Variants in LPAR1 observed in about 807,000 individuals in gnomAD.
LPAR1 encodes LPA receptor 1.
Under a neutral mutation model 23.8 loss-of-function variants are expected in LPAR1, and 5 were observed. The ratio of observed to expected loss-of-function variants is 0.21; its 90% CI spans 0.11 to 0.44. LPAR1 has a LOEUF of 0.44. Ranked by LOEUF, LPAR1 falls within the 20% of genes least tolerant of loss-of-function variation. The pLI is 0.99. For missense variants in LPAR1, 311 were observed against 482.8 expected, an observed-to-expected ratio of 0.64 and a Z score of 3.33; for synonymous variants, 160 against 164.7, an observed-to-expected ratio of 0.97 and a Z score of 0.22.
chr9:110,960,887 A>C (rs932349269), intron 4 of LPAR1, among the ~76,000 whole-genome samples: 5 of 152,360 alleles, frequency 3.3e-5, no homozygotes, highest in Admixed American at 1.3e-4. Context: ...ACTTGAACTG[A>C]CAGGTCAAAA....
chr9:110,917,183 C>CAAA (rs72090804), intron 5 of LPAR1, among the ~76,000 whole-genome samples: 16 of 122,832 alleles, frequency 1.3e-4, no homozygotes, highest in African/African-American at 3.8e-4. Context: ...ACTAAAAATA[C>CAAA]AAAAAAAAAA....
At chr9:111,027,980 T>C (rs1425359506) in intron 2 of LPAR1, among the ~76,000 whole-genome samples, 1 of 147,686 alleles carries the variant, frequency 6.8e-6, no homozygotes, top group Non-Finnish European at 1.5e-5. Context: ...ACACATTAAA[T>C]AGTGTGACTA....
At chr9:110,935,788 G>T (rs1028656875) in intron 5 of LPAR1, among the ~76,000 whole-genome samples, 16 of 152,194 alleles carry the variant, frequency 1.1e-4, no homozygotes, top group Admixed American at 1.0e-3. Context: ...TACATTATGT[G>T]AGGACTCTGC....
intron 5 of LPAR1, among the ~76,000 whole-genome samples, chr9:110,934,902 T>C (rs1385019540): frequency 6.6e-6 from 1 of 151,072 alleles, no homozygotes; most frequent in Admixed American, 6.6e-5. Flanking sequence ...AAAAACCAAG[T>C]GGAATGAAAA....
intron 5 of LPAR1, among the ~76,000 whole-genome samples, chr9:110,911,487 C>T (rs2092425642): frequency 6.6e-6 from 1 of 151,898 alleles, no homozygotes; most frequent in South Asian, 2.1e-4. Context: ...GGCTACAATG[C>T]ACCAAGACTG....
At chr9:110,897,796 A>G (rs1408728103) in intron 5 of LPAR1, among the ~76,000 whole-genome samples, 1 of 145,308 alleles carries the variant, frequency 6.9e-6, no homozygotes, top group Admixed American at 6.7e-5. Context: ...GATATAGACT[A>G]AAATAAGGCC....
intron 2 of LPAR1, among the ~76,000 whole-genome samples, chr9:110,997,291 T>C (rs182696376): frequency 1.3e-3 from 197 of 152,234 alleles, no homozygotes; most frequent in African/African-American, 4.5e-3. Context: ...CAGAAGATTA[T>C]AAAGAACAAG....
At chr9:110,876,947 C>A (rs543478152) in intron 5 of LPAR1, among the ~76,000 whole-genome samples, 12 of 152,316 alleles carry the variant, frequency 7.9e-5, no homozygotes, top group African/African-American at 2.9e-4. Context: ...CATGAGCCAA[C>A]AGCGGTGGGC....
chr9:111,037,316 A>C (rs1025878862), intron 1 of LPAR1, among the ~76,000 whole-genome samples: 1 of 152,186 alleles, frequency 6.6e-6, no homozygotes, highest in Non-Finnish European at 1.5e-5. Flanking sequence ...TTTATGAAAA[A>C]ATCCACGGAT....
At chr9:110,951,769 T>TA (rs373795176) in intron 4 of LPAR1, among the ~76,000 whole-genome samples, 82 of 150,352 alleles carry the variant, frequency 5.5e-4, no homozygotes, top group Middle Eastern at 3.4e-3. Flanking sequence ...AACCCTAGTT[T>TA]AAAAAAAAAA....
chr9:110,984,777 A>G (rs574093462), intron 2 of LPAR1, among the ~76,000 whole-genome samples: 1 of 151,688 alleles, frequency 6.6e-6, no homozygotes, highest in Admixed American at 6.6e-5. Flanking sequence ...GTGACAAAAA[A>G]AAAAGAATGC....
intron 2 of LPAR1, among the ~76,000 whole-genome samples, chr9:110,981,674 C>A (rs1650343884): frequency 6.6e-6 from 1 of 151,674 alleles, no homozygotes. Flanking sequence ...AAGTTGGTGC[C>A]ATGGAAGTCT....
At chr9:110,953,979 A>G (rs1188282277) in intron 4 of LPAR1, among the ~76,000 whole-genome samples, 2 of 152,126 alleles carry the variant, frequency 1.3e-5, no homozygotes, top group Non-Finnish European at 2.9e-5. Context: ...AACTTATGAA[A>G]TCCAGGACAA....
Position 110,968,637 on chromosome 9 carries a change from T to C in LPAR1, c.45+3436A>G, listed in dbSNP as rs532148978. Among the ~76,000 whole-genome samples, 40 of 152,330 alleles carry C rather than the reference T, an allele frequency of 2.6e-4. No individual in the cohort carries two copies. The East Asian group carries it at 6.6e-3, about 25-fold the overall frequency. ...CATACTTCCTGTATTTGTGCATTCC[T>C]GCATGGGTGACAAAGCGTTGTAACT... On this transcript the variant is annotated intron_variant, in intron 4 of 5. Transcript: ENST00000683809.
At chr9:110,935,103 T>C (rs148157858) in intron 5 of LPAR1, among the ~76,000 whole-genome samples, 4 of 152,270 alleles carry the variant, frequency 2.6e-5, no homozygotes, top group Admixed American at 6.5e-5. Context: ...TGAGAACCAG[T>C]TACCTTCACA....
chr9:110,905,574 C>T (rs943594164), intron 5 of LPAR1, among the ~76,000 whole-genome samples: 5 of 151,860 alleles, frequency 3.3e-5, no homozygotes, highest in Admixed American at 6.6e-5. Flanking sequence ...AGGCTGGTCT[C>T]GAACTCCAGA....
chr9:110,987,664 C>T (rs922493816), intron 2 of LPAR1, among the ~76,000 whole-genome samples: 27 of 80,482 alleles, frequency 3.4e-4, no homozygotes, highest in Admixed American at 5.4e-4. Context: ...CCTGTGGAAC[C>T]TACATGTATA....
chr9:111,001,504 G>C (rs1449793057), intron 2 of LPAR1, among the ~76,000 whole-genome samples: 1 of 151,760 alleles, frequency 6.6e-6, no homozygotes, highest in Non-Finnish European at 1.5e-5. Flanking sequence ...GACATAAAGG[G>C]ACTGGAAAAA....
intron 5 of LPAR1, among the ~76,000 whole-genome samples, chr9:110,912,990 T>G (rs1410675324): frequency 6.6e-6 from 1 of 152,212 alleles, no homozygotes; most frequent in East Asian, 1.9e-4. Context: ...GTTAACAGCA[T>G]TAAGCCAGTT....
Sources: gnomAD v4.1 joint callset for allele counts (sites outside exome capture counted in the v4.1 genomes callset) on GRCh38, gnomAD v4.1.1 for gene constraint, MANE v1.5 for transcripts, NCBI Gene and HGNC (gene_info 2026-07-23, HGNC 2026-07-21) for gene names.